The following ALK variants were observed in gnomAD, a reference collection of about 807,000 sequenced individuals.
ALK encodes the protein ALK receptor tyrosine kinase.
Under a neutral mutation model 163.1 loss-of-function variants are expected in ALK, and 74 were observed. The observed-to-expected ratio is 0.45, with a 90% CI of 0.38 to 0.55. The LOEUF (loss-of-function observed/expected upper bound fraction) is 0.55, where lower values mean the gene tolerates loss of function less well. ALK is among the 20% of genes least tolerant of loss of function. The probability of loss-of-function intolerance (pLI) is 0.00; values close to 1 mark genes in which losing one functional copy is unlikely to be tolerated. For missense variants in ALK, 2,063 were observed against 2,105.3 expected, an observed-to-expected ratio of 0.98 and a Z score of 0.39; for synonymous variants, 960 against 843.2, an observed-to-expected ratio of 1.14 and a Z score of -2.40.
At chr2:29,249,553 C>A (rs909000058) in intron 12 of ALK, among the ~76,000 whole-genome samples, 4 of 152,174 alleles carry the variant, frequency 2.6e-5, no homozygotes, top group African/African-American at 9.7e-5. Context: ...TGAGCCAGAG[C>A]ACCCTGGGTT....
At chr2:29,350,657 C>T (rs568643937) in intron 5 of ALK, among the ~76,000 whole-genome samples, 2 of 152,300 alleles carry the variant, frequency 1.3e-5, no homozygotes, top group South Asian at 2.1e-4. Context: ...AAACCAGCAG[C>T]GACCATTTAC....
At chr2:29,894,429 G>T (rs1435013828) in intron 1 of ALK, among the ~76,000 whole-genome samples, 1 of 152,008 alleles carries the variant, frequency 6.6e-6, no homozygotes, top group Non-Finnish European at 1.5e-5. Context: ...TCCCCCACGT[G>T]GCATTGCTGG....
intron 5 of ALK, among the ~76,000 whole-genome samples, chr2:29,360,337 C>T (rs1668357694): frequency 6.6e-6 from 1 of 152,148 alleles, no homozygotes; most frequent in African/African-American, 2.4e-5. Context: ...GACTCCATTT[C>T]CTTTCTTTTT....
chr2:29,422,680 T>C (rs1179646015), intron 4 of ALK, among the ~76,000 whole-genome samples: 2 of 152,162 alleles, frequency 1.3e-5, no homozygotes, highest in African/African-American at 4.8e-5. Flanking sequence ...CATATGGAAA[T>C]AAGAAATGCC....
intron 1 of ALK, among the ~76,000 whole-genome samples, chr2:29,897,429 A>C (rs1259669627): frequency 6.6e-6 from 1 of 152,210 alleles, no homozygotes; most frequent in Admixed American, 6.5e-5. Flanking sequence ...TTTCATAAAT[A>C]ATACTTCAGT....
intron 3 of ALK, among the ~76,000 whole-genome samples, chr2:29,553,400 T>C (rs1201244604): frequency 6.6e-6 from 1 of 152,214 alleles, no homozygotes; most frequent in Non-Finnish European, 1.5e-5. Flanking sequence ...ATTTCAATTG[T>C]TTATAAACCA....
In ALK at chr2:29,220,841, G is replaced by T; in HGVS notation, c.3516-6C>A. 6.2e-7 allele frequency: 1 copy of T among 1,614,062 alleles called. No individual in the cohort carries two copies. The highest frequency in any genetic ancestry group is 8.5e-7 in the Non-Finnish European group (1 of 1,179,916). On this transcript the variant is annotated splice_region_variant and splice_polypyrimidine_tract_variant and intron_variant, in intron 22 of 28. Transcript: ENST00000389048. ...TGTTCTGGTGGTTGAATTTGCTGCAGAGCAGAGAGGGATGTAACCAAAATT... is the reference window on the plus strand; with the variant it reads ...TGTTCTGGTGGTTGAATTTGCTGCATAGCAGAGAGGGATGTAACCAAAATT...
At chr2:29,771,627 C>T (rs184883669) in intron 1 of ALK, among the ~76,000 whole-genome samples, 35 of 152,126 alleles carry the variant, frequency 2.3e-4, no homozygotes, top group Non-Finnish European at 2.8e-4. Context: ...CTCCACCTCC[C>T]GGGTTCATAC....
chr2:29,696,447 T>C (rs1440897394), intron 2 of ALK, among the ~76,000 whole-genome samples: 1 of 148,246 alleles, frequency 6.7e-6, no homozygotes, highest in Non-Finnish European at 1.5e-5. Context: ...GAAGGCTTGA[T>C]GGGTGCAGCA....
intron 4 of ALK, among the ~76,000 whole-genome samples, chr2:29,456,333 G>C (rs984408535): frequency 3.3e-5 from 5 of 152,124 alleles, no homozygotes; most frequent in African/African-American, 4.8e-5. Context: ...ACAGATGAAT[G>C]ATTACACAAA....
chr2:29,683,443 A>T (rs1248240820), intron 3 of ALK, among the ~76,000 whole-genome samples: 3 of 152,138 alleles, frequency 2.0e-5, no homozygotes, highest in Non-Finnish European at 4.4e-5. Context: ...ACCAGTAAGG[A>T]TCCCAAAGCA....
intron 4 of ALK, among the ~76,000 whole-genome samples, chr2:29,481,510 C>G (rs1439817659): frequency 6.6e-6 from 1 of 152,156 alleles, no homozygotes; most frequent in Non-Finnish European, 1.5e-5. Context: ...TAAGGCCTAC[C>G]TTAACTGATT....
chr2:29,230,150 G>A (rs1453197830), intron 15 of ALK, among the ~76,000 whole-genome samples: 1 of 151,980 alleles, frequency 6.6e-6, no homozygotes, highest in Non-Finnish European at 1.5e-5. Flanking sequence ...TATATAAAGT[G>A]GCATAGTATT....
chr2:29,516,152 AT>A (rs1386653598), intron 4 of ALK, among the ~76,000 whole-genome samples: 1 of 152,172 alleles, frequency 6.6e-6, no homozygotes, highest in African/African-American at 2.4e-5. Context: ...CTAAGAATAC[AT>A]TATGTACATG....
chr2:29,233,517 T>C (rs770750031), intron 14 of ALK, 48 bp downstream of exon 14: 2 of 1,613,580 alleles, frequency 1.2e-6, no homozygotes, highest in African/African-American at 2.7e-5. Flanking sequence ...GGCTCTGACA[T>C]TGCAGATGCA....
chr2:29,277,752 T>C (rs1226892543), intron 9 of ALK, among the ~76,000 whole-genome samples: 2 of 152,186 alleles, frequency 1.3e-5, no homozygotes, highest in Non-Finnish European at 2.9e-5. Flanking sequence ...GGCTTGGGCA[T>C]GCCAGATGAG....
intron 1 of ALK, among the ~76,000 whole-genome samples, chr2:29,743,820 G>A (rs895786491): frequency 1.4e-4 from 21 of 152,088 alleles, no homozygotes; most frequent in Non-Finnish European, 2.8e-4. Flanking sequence ...TTAGGGCACA[G>A]GTTCTAATGA....
At chr2:29,222,027 G>C (rs1331418474) in intron 22 of ALK, among the ~76,000 whole-genome samples, 3 of 152,196 alleles carry the variant, frequency 2.0e-5, no homozygotes. Flanking sequence ...ATCTTGTACT[G>C]TCAAAGTCTA....
intron 11 of ALK, among the ~76,000 whole-genome samples, chr2:29,259,871 A>G (rs1280712878): frequency 1.6e-4 from 24 of 151,998 alleles, no homozygotes; most frequent in Non-Finnish European, 4.4e-5. Context: ...AATTATTTCT[A>G]TGTTGGATCT....
Sources: allele counts gnomAD v4.1 joint callset (sites outside exome capture counted in the v4.1 genomes callset), GRCh38; gene constraint gnomAD v4.1.1; transcripts MANE v1.5; gene names NCBI Gene and HGNC (gene_info 2026-07-23, HGNC 2026-07-21).